Variants in ATP6V1C2 observed in about 807,000 individuals in gnomAD.
ATP6V1C2 encodes V-type proton ATPase subunit C 2.
ATP6V1C2 carries 45 observed loss-of-function variants against 56.8 expected under a neutral mutation model. That is an observed-to-expected ratio of 0.79 (90% CI 0.62 to 1.02). The LOEUF is 1.02. Among genes scored for constraint, ATP6V1C2 ranks in the 50% least tolerant of loss-of-function variants. The pLI, the probability that ATP6V1C2 is intolerant of heterozygous loss-of-function variation, is 0.00. For missense variants in ATP6V1C2, 463 were observed against 519.7 expected, an observed-to-expected ratio of 0.89 and a Z score of 1.06; for synonymous variants, 220 against 201.3, an observed-to-expected ratio of 1.09 and a Z score of -0.79.
At chr2:10,782,464 G>T (rs1442023026) in intron 13 of ATP6V1C2, 89 bp downstream of exon 13, 1 of 1,465,888 alleles carries the variant, frequency 6.8e-7, no homozygotes, top group Non-Finnish European at 9.3e-7. Flanking sequence ...CCAACACTTT[G>T]GGAGGTAGGT....
At chr2:10,731,805 C>G (rs1661966239) in intron 3 of ATP6V1C2, among the ~76,000 whole-genome samples, 1 of 152,070 alleles carries the variant, frequency 6.6e-6, no homozygotes, top group South Asian at 2.1e-4. Flanking sequence ...GAAACCCCAT[C>G]TCTACAAAAA....
intron 13 of ATP6V1C2, among the ~76,000 whole-genome samples, chr2:10,782,702 G>C (rs953321535): frequency 3.3e-5 from 5 of 151,926 alleles, no homozygotes; most frequent in African/African-American, 1.2e-4. Flanking sequence ...ATGGTGGTGT[G>C]TGCCTGTAGT....
chr2:10,778,052 CCT>C (rs1487511373), intron 11 of ATP6V1C2, among the ~76,000 whole-genome samples: 2 of 152,158 alleles, frequency 1.3e-5, no homozygotes, highest in African/African-American at 4.8e-5. Context: ...TGAACCCACC[CCT>C]GACCTTTGTG....
rs1665571979 is a variant in ATP6V1C2 at position 10,784,081 on chromosome 2, T to G, written c.*818T>G. On this transcript the variant is annotated 3_prime_UTR_variant, in exon 14 of 14. Transcript: ENST00000272238. ...CAACAATTCATAGAATTTTTCAATGTTTTCTTGAGATGCAAAAGTTCACTG... is the reference window on the plus strand; with the variant it reads ...CAACAATTCATAGAATTTTTCAATGGTTTCTTGAGATGCAAAAGTTCACTG... 2.3e-6 allele frequency: 1 copy of G among 442,990 alleles called. No individual in the cohort carries two copies. Among genetic ancestry groups the G allele is most frequent in the African/African-American group, 2.0e-5 (1 of 50,082 alleles). The allele number at this position is 442,990 out of a possible 1,614,324, so 27.4% of individuals were successfully genotyped here.
chr2:10,782,854 A>C (rs1665464552), intron 13 of ATP6V1C2, among the ~76,000 whole-genome samples: 1 of 134,404 alleles, frequency 7.4e-6, no homozygotes, highest in South Asian at 2.4e-4. Flanking sequence ...AAAAAAAAAA[A>C]AAAAAAAAAT....
At chr2:10,772,461 G>A in intron 7 of ATP6V1C2, 81 bp from the exon 8 acceptor site, 1 of 1,184,822 alleles carries the variant, frequency 8.4e-7, no homozygotes, top group Non-Finnish European at 1.3e-6. Context: ...TCAGGAAAAG[G>A]GGTGTGCAGC....
In ATP6V1C2 at chr2:10,784,873, C is replaced by T; in HGVS notation, c.*1610C>T. On this transcript the variant is annotated 3_prime_UTR_variant, in exon 14 of 14. Transcript: ENST00000272238. The stretch of plus-strand genomic sequence containing the variant: ...GGACTTGACTCCAGGTGCAGAGATG[C>T]ACAGGCTCAAGAGAGTAAACCAGGA... The T allele has an allele frequency of 8.1e-7, 1 of 1,238,350 alleles. No individual in the cohort carries two copies. The highest frequency in any genetic ancestry group is 1.3e-5 in the South Asian group (1 of 77,552). The allele number at this position is 1,238,350 out of a possible 1,614,324, so 76.7% of individuals were successfully genotyped here. A position where few individuals can be genotyped will look rare whatever the true frequency, so the allele number is the denominator to read the frequency against.
At chr2:10,759,654 G>A (rs2148470699) in intron 4 of ATP6V1C2, among the ~76,000 whole-genome samples, 1 of 152,256 alleles carries the variant, frequency 6.6e-6, no homozygotes, top group East Asian at 1.9e-4. Flanking sequence ...GTTCCAAGCA[G>A]CAGAGGGCAA....
At chr2:10,758,553 A>G (rs1663687798) in intron 4 of ATP6V1C2, among the ~76,000 whole-genome samples, 1 of 152,190 alleles carries the variant, frequency 6.6e-6, no homozygotes, top group Admixed American at 6.5e-5. Flanking sequence ...GCCTGTCCAT[A>G]GCCACCACAC....
intron 8 of ATP6V1C2, among the ~76,000 whole-genome samples, chr2:10,774,291 C>A (rs1366780957): frequency 6.6e-6 from 1 of 150,470 alleles, no homozygotes; most frequent in Non-Finnish European, 1.5e-5. Context: ...GATGCTTAGA[C>A]TCCTGGCCCC....
intron 3 of ATP6V1C2, among the ~76,000 whole-genome samples, chr2:10,753,617 C>T (rs1663346577): frequency 6.6e-6 from 1 of 151,786 alleles, no homozygotes; most frequent in Non-Finnish European, 1.5e-5. Context: ...CTGCAACCTC[C>T]ACCTCCCGGG....
In ATP6V1C2 at chr2:10,737,580, A is replaced by C. The variant is rs370610352; in HGVS notation, c.197+11011A>C. Among the ~76,000 whole-genome samples the C allele has an allele frequency of 2.5e-3, 379 of 152,304 alleles. 5 individuals are homozygous for C. In the South Asian group the frequency reaches 0.047, roughly 19 times the overall value. ...CTCTTGTTTTCATTGCGTAGCATTGATAAACGTCTATTGGAGCAACACTAT... is the reference window on the plus strand; with the variant it reads ...CTCTTGTTTTCATTGCGTAGCATTGCTAAACGTCTATTGGAGCAACACTAT... On this transcript the variant is annotated intron_variant, in intron 3 of 13. Transcript: ENST00000272238.
At chr2:10,752,461 C>T (rs2148456103) in intron 3 of ATP6V1C2, among the ~76,000 whole-genome samples, 1 of 152,290 alleles carries the variant, frequency 6.6e-6, no homozygotes, top group South Asian at 2.1e-4. Context: ...CACCTCCCTC[C>T]TGAGGGCGGG....
chr2:10,745,234 C>T (rs1272274867), intron 3 of ATP6V1C2, among the ~76,000 whole-genome samples: 2 of 151,442 alleles, frequency 1.3e-5, no homozygotes, highest in Non-Finnish European at 1.5e-5. Flanking sequence ...GATGGGGTTT[C>T]ACCATGTTGG....
chr2:10,765,070 G>T (rs1198842), intron 5 of ATP6V1C2, among the ~76,000 whole-genome samples: 56,721 of 151,910 alleles, frequency 0.37, 11,300 homozygotes, highest in East Asian at 0.62. Flanking sequence ...TTGTTCACCT[G>T]CAAAGCTATT....
At chr2:10,772,193 A>G (rs1427614041) in intron 7 of ATP6V1C2, among the ~76,000 whole-genome samples, 2 of 152,104 alleles carry the variant, frequency 1.3e-5, no homozygotes, top group Non-Finnish European at 2.9e-5. Flanking sequence ...ACATTATTTT[A>G]TTTCATCCTC....
At chr2:10,782,797 C>T (rs1312149997) in intron 13 of ATP6V1C2, among the ~76,000 whole-genome samples, 1 of 132,396 alleles carries the variant, frequency 7.6e-6, no homozygotes, top group Non-Finnish European at 1.6e-5. Context: ...CGCCACTACA[C>T]TCCAGCCTGG....
At chr2:10,773,547 T>C (rs1664766706) in intron 8 of ATP6V1C2, among the ~76,000 whole-genome samples, 1 of 152,102 alleles carries the variant, frequency 6.6e-6, no homozygotes, top group African/African-American at 2.4e-5. Flanking sequence ...CACGGCCAGC[T>C]AATTTTTGTA....
chr2:10,777,777 C>T, intron 11 of ATP6V1C2, 55 bp downstream of exon 11: 1 of 1,553,324 alleles, frequency 6.4e-7, no homozygotes. Context: ...CTCGCCAGCT[C>T]AGGCGCCTTC....
Sources: allele counts gnomAD v4.1 joint callset (sites outside exome capture counted in the v4.1 genomes callset), GRCh38; gene constraint gnomAD v4.1.1; transcripts MANE v1.5; gene names NCBI Gene and HGNC (gene_info 2026-07-23, HGNC 2026-07-21).